The following ITPR1 variants were observed in gnomAD, a reference collection of about 807,000 sequenced individuals.
ITPR1 encodes inositol 1,4,5-trisphosphate-gated calcium channel ITPR1.
In ITPR1, 96 loss-of-function variants were observed where a neutral mutation model predicts 318.4. The observed-to-expected ratio is 0.30, with a 90% confidence interval of 0.26 to 0.36. The LOEUF is 0.36. ITPR1 is among the 10% of genes least tolerant of loss of function. The pLI is 1.00. For synonymous variants in ITPR1, 1,312 were observed against 1,289.9 expected, an observed-to-expected ratio of 1.02 and a Z score of -0.37; for missense variants, 2,440 against 3,460.2, an observed-to-expected ratio of 0.71 and a Z score of 7.40.
At chr3:4,814,755 G>T (rs761472241) in intron 58 of ITPR1, 193 bp downstream of exon 58, 5 of 629,142 alleles carry the variant, frequency 7.9e-6, no homozygotes, top group Non-Finnish European at 1.4e-5. Context: ...AGTCAGCTGC[G>T]TGGAAAGGGT....
intron 6 of ITPR1, among the ~76,000 whole-genome samples, chr3:4,640,927 A>C (rs931143857): frequency 6.6e-6 from 1 of 152,124 alleles, no homozygotes; most frequent in Non-Finnish European, 1.5e-5. Flanking sequence ...GGAACAGTTG[A>C]GGGGTTGGGA....
intron 6 of ITPR1, among the ~76,000 whole-genome samples, chr3:4,640,292 G>C (rs2093307776): frequency 6.6e-6 from 1 of 152,254 alleles, no homozygotes; most frequent in East Asian, 1.9e-4. Context: ...TAATCAGGAA[G>C]ATGGGAACAC....
Position 4,632,929 on chromosome 3 carries a change from C to CTTTTTT in ITPR1, c.279+5074_279+5079dup, listed in dbSNP as rs1156474451. ...AAGATTACTGATGTGACTTTCAGGT[C>CTTTTTT]TTTTTTTTTTTTTTTTTTTTTTTTT... On this transcript the variant is annotated intron_variant, in intron 5 of 61. Transcript: ENST00000649015. Among the ~76,000 whole-genome samples, 15 of 66,032 alleles carry CTTTTTT rather than the reference C, an allele frequency of 2.3e-4. 2 individuals are homozygous for CTTTTTT. The highest frequency in any genetic ancestry group is 6.3e-4 in the African/African-American group (9 of 14,270). The allele number at this position is 66,032 out of a possible 152,430, so 43.3% of individuals were successfully genotyped here. A position where few individuals can be genotyped will look rare whatever the true frequency, so the allele number is the denominator to read the frequency against.
chr3:4,845,936 A>C (rs2051741134), intron 61 of ITPR1, among the ~76,000 whole-genome samples: 1 of 152,242 alleles, frequency 6.6e-6, no homozygotes, highest in African/African-American at 2.4e-5. Context: ...GTTACATTGC[A>C]TGACTAGGTC....
intron 4 of ITPR1, among the ~76,000 whole-genome samples, chr3:4,597,790 G>T (rs1260232706): frequency 6.6e-6 from 1 of 152,218 alleles, no homozygotes; most frequent in Non-Finnish European, 1.5e-5. Context: ...ATTGTTCATT[G>T]CAGGTAACCT....
intron 51 of ITPR1, 84 bp downstream of exon 51, chr3:4,784,004 A>G (rs2047002167): frequency 4.4e-6 from 4 of 917,026 alleles, no homozygotes; most frequent in Non-Finnish European, 1.7e-6. Flanking sequence ...GCGTGCATTC[A>G]TTCATCTGAG....
intron 4 of ITPR1, among the ~76,000 whole-genome samples, chr3:4,623,605 AG>A (rs1346531003): frequency 6.6e-6 from 1 of 152,230 alleles, no homozygotes; most frequent in Non-Finnish European, 1.5e-5. Flanking sequence ...TTCTATACTT[AG>A]CAGAGTGTTA....
Position 4,779,603 on chromosome 3 carries a change from A to T in ITPR1, c.6345A>T (p.Glu2115Asp). The stretch of plus-strand genomic sequence containing the variant: ...TCATGGAAAGCAGGCACGACAGTGA[A>T]AACGCAGAGAGGATACTTTATAACA... ...LAIMESRHDS[E>D]NAERILYNMR... The change falls in exon 49 of 62, where the codon GAA becomes GAT. Residue 2115 changes from glutamate (E) to aspartate (D), a missense_variant. Glu to Asp is a conservative substitution (Grantham distance 45). Coordinates refer to ENST00000649015, the MANE Select transcript of ITPR1 (RefSeq NM_001378452.1). The surrounding 1 kb of genome is among the most constrained non-coding windows in gnomAD (Gnocchi z 4.0). 6.2e-7 allele frequency: 1 copy of T among 1,612,548 alleles called. No homozygotes were observed. The highest frequency in any genetic ancestry group is 8.5e-7 in the Non-Finnish European group (1 of 1,178,898).
chr3:4,689,531 A>G (rs1463010467), intron 31 of ITPR1, among the ~76,000 whole-genome samples: 3 of 152,230 alleles, frequency 2.0e-5, no homozygotes, highest in African/African-American at 7.2e-5. Context: ...CCAGCAGACT[A>G]TAATGCAAAT....
At chr3:4,582,624 G>A (rs894884557) in intron 4 of ITPR1, among the ~76,000 whole-genome samples, 29 of 152,194 alleles carry the variant, frequency 1.9e-4, no homozygotes, top group Non-Finnish European at 2.9e-4. Context: ...GGATAGAGAG[G>A]ATTCATTCTG....
intron 60 of ITPR1, chr3:4,831,005 C>G (rs765513593): frequency 4.4e-6 from 2 of 456,458 alleles, no homozygotes; most frequent in Non-Finnish European, 4.4e-6. Flanking sequence ...TTAGAACAGC[C>G]TCTTCTTTTG....
chr3:4,521,340 C>T (rs902475589), intron 4 of ITPR1, among the ~76,000 whole-genome samples: 4 of 152,066 alleles, frequency 2.6e-5, no homozygotes, highest in East Asian at 1.9e-4. Flanking sequence ...AGTGCTAATT[C>T]GGTTTAAAGT....
chr3:4,778,032 C>G (rs2046589191), intron 48 of ITPR1, among the ~76,000 whole-genome samples: 1 of 152,190 alleles, frequency 6.6e-6, no homozygotes, highest in African/African-American at 2.4e-5. Context: ...ATTACTCAAA[C>G]AGCTTAACGG....
chr3:4,615,048 G>C (rs1575731267), intron 4 of ITPR1, among the ~76,000 whole-genome samples: 1 of 152,310 alleles, frequency 6.6e-6, no homozygotes, highest in Middle Eastern at 3.4e-3. Context: ...GGCTTGGAAT[G>C]GGGCCCAGGC....
At chr3:4,782,589 G>A (rs1382795596) in intron 49 of ITPR1, 30 bp from the exon 50 acceptor site, 2 of 1,585,104 alleles carry the variant, frequency 1.3e-6, no homozygotes, top group East Asian at 2.3e-5. Context: ...CCTTGAAACA[G>A]GATTTTTGTT....
At chr3:4,712,528 A>G (rs1252450740) in intron 39 of ITPR1, among the ~76,000 whole-genome samples, 1 of 152,226 alleles carries the variant, frequency 6.6e-6, no homozygotes, top group Non-Finnish European at 1.5e-5. Flanking sequence ...ACTCATTTTC[A>G]TTTGAAGGTA....
intron 44 of ITPR1, among the ~76,000 whole-genome samples, chr3:4,761,136 T>C (rs961230067): frequency 2.0e-5 from 3 of 152,192 alleles, no homozygotes; most frequent in Admixed American, 2.0e-4. Context: ...TTTGGTGTTT[T>C]TTTCAACTTT....
rs1168316000 is a variant in ITPR1 at position 4,839,566 on chromosome 3, TA to T, written c.8190+2639del. On this transcript the variant is annotated intron_variant, in intron 61 of 61. Coordinates refer to ENST00000649015, the MANE Select transcript of ITPR1 (RefSeq NM_001378452.1). ...ACTGTTTAAGTTCTTACTCTTTTTTTAAAAAAAAGCTTGAAGTTTCAGAAGT... is the reference window on the plus strand; with the variant it reads ...ACTGTTTAAGTTCTTACTCTTTTTTTAAAAAAAGCTTGAAGTTTCAGAAGT... Among the ~76,000 whole-genome samples the T allele has an allele frequency of 6.6e-5, 10 of 151,854 alleles. No homozygotes were observed. In the East Asian group the frequency reaches 1.2e-3, roughly 18 times the overall value.
chr3:4,693,720 C>T lies in ITPR1; in HGVS notation c.4260C>T (p.Thr1420=). ...LPLDDIVRVV[T]HEDCIPEVKI... is the part of the protein sequence containing the mutation. ...TGGATGACATCGTTCGCGTGGTGAC[C>T]CACGAGGACTGCATCCCTGAGGTGA... is the stretch of plus-strand genomic sequence containing the variant. The change falls in exon 33 of 62, where the codon ACC becomes ACT. Residue 1420 remains threonine, a synonymous_variant. Coordinates refer to ENST00000649015, the MANE Select transcript of ITPR1 (RefSeq NM_001378452.1). 6.2e-7 allele frequency: 1 copy of T among 1,613,048 alleles called. No homozygotes were observed. Among genetic ancestry groups the T allele is most frequent in the Non-Finnish European group, 8.5e-7 (1 of 1,179,408 alleles).
Sources: allele counts gnomAD v4.1 joint callset (sites outside exome capture counted in the v4.1 genomes callset), GRCh38; gene constraint gnomAD v4.1.1; non-coding constraint Gnocchi (gnomAD v3.1); transcripts MANE v1.5; gene names NCBI Gene and HGNC (gene_info 2026-07-23, HGNC 2026-07-21).